TRRAP: variants seen among roughly 807,000 people sequenced by gnomAD.
TRRAP encodes transformation/transcription domain associated protein.
In TRRAP, 41 loss-of-function variants were observed where a neutral mutation model predicts 438.8. That is an observed-to-expected ratio of 0.09 (90% CI 0.07 to 0.12). TRRAP has a LOEUF of 0.12. Ranked by LOEUF, TRRAP falls within the 10% of genes least tolerant of loss-of-function variation. TRRAP has a pLI of 1.00. For missense variants in TRRAP, 3,122 were observed against 5,055.1 expected, an observed-to-expected ratio of 0.62 and a Z score of 11.60; for synonymous variants, 1,994 against 1,962.9, an observed-to-expected ratio of 1.02 and a Z score of -0.42.
At chr7:99,002,276 C>T (rs545106043) in intron 67 of TRRAP, among the ~76,000 whole-genome samples, 2 of 152,298 alleles carry the variant, frequency 1.3e-5, no homozygotes, top group South Asian at 2.1e-4. Context: ...CACACATGTG[C>T]GCACACACAC....
chr7:98,990,868 T>C (rs931931668), intron 64 of TRRAP, among the ~76,000 whole-genome samples: 1 of 152,234 alleles, frequency 6.6e-6, no homozygotes, highest in Non-Finnish European at 1.5e-5. Context: ...TCTTAAACAT[T>C]TTCCCATATA....
rs1289043925 is a variant in TRRAP, at chr7:99,008,503, C to G, written c.10880C>G (p.Ser3627Cys). The change falls in exon 70 of 73, where the codon TCC (serine) becomes TGC (cysteine). Residue 3627 changes from serine (S) to cysteine (C), a missense_variant. Coordinates refer to ENST00000456197, the MANE Select transcript of TRRAP (RefSeq NM_001375524.1). Reference sequence around the variant, plus strand: ...GGCATCGAGCATGACAACCCCATCTCCCGTTACTATGACCGGCTGGCTACG... The same window carrying G: ...GGCATCGAGCATGACAACCCCATCTGCCGTTACTATGACCGGCTGGCTACG... ...KKGIEHDNPI[S>C]RYYDRLATVQ... 8.7e-6 allele frequency: 14 copies of G among 1,614,132 alleles called. No individual in the cohort carries two copies. Among genetic ancestry groups the G allele is most frequent in the Non-Finnish European group, 1.2e-5 (14 of 1,180,068 alleles).
At position 98,921,028 on chromosome 7, in the gene TRRAP, G is replaced by A. The variant is rs572022009; in HGVS notation, c.2623-725G>A. Reference sequence around the variant, plus strand: ...CTAATTTTGTGTTTTTAGTAGATGGGGTTACTCCATGTTGGTCAGGCTGGT... The same window carrying A: ...CTAATTTTGTGTTTTTAGTAGATGGAGTTACTCCATGTTGGTCAGGCTGGT... On this transcript the variant is annotated intron_variant, in intron 20 of 72. Coordinates refer to ENST00000456197, the MANE Select transcript of TRRAP (RefSeq NM_001375524.1). Among the ~76,000 whole-genome samples the A allele has an allele frequency of 4.6e-5, 7 of 152,138 alleles. 1 individual carries two copies. The highest frequency in any genetic ancestry group is 1.7e-4 in the African/African-American group (7 of 41,516).
intron 44 of TRRAP, 146 bp downstream of exon 44, chr7:98,958,237 C>A: frequency 3.1e-6 from 2 of 651,598 alleles, no homozygotes; most frequent in Non-Finnish European, 5.2e-6. Context: ...TTCGTATCAA[C>A]TGCACTTGAT....
intron 20 of TRRAP, among the ~76,000 whole-genome samples, chr7:98,921,533 G>A (rs1341783237): frequency 2.0e-5 from 3 of 152,066 alleles, no homozygotes; most frequent in Admixed American, 6.6e-5. Context: ...CTGCCACCAC[G>A]CCTGGCTAAT....
At position 98,990,460 on chromosome 7, in the gene TRRAP, G is replaced by C. The variant is rs746727506; in HGVS notation, c.9597G>C (p.Leu3199=). 1 of 1,612,682 alleles carries C rather than the reference G, an allele frequency of 6.2e-7. No homozygotes were observed. The highest frequency in any genetic ancestry group is 1.7e-5 in the Admixed American group (1 of 60,004). ...SKSRKYLAKV[L]WLLSFDDDKN... ...AATTTCTCCTTCTGTCTCAGGTGCT[G>C]TGGCTTTTGAGTTTTGATGATGACA... Residue 3199 remains leucine, a synonymous_variant, in exon 64 of 73, where the codon CTG becomes CTC. Transcript: ENST00000456197.
intron 62 of TRRAP, among the ~76,000 whole-genome samples, chr7:98,988,533 A>G (rs1401554184): frequency 1.3e-5 from 2 of 152,192 alleles, no homozygotes; most frequent in African/African-American, 4.8e-5. Flanking sequence ...GTATGATTCA[A>G]TTTATATGAA....
chr7:98,908,813 C>T lies in TRRAP; in HGVS notation c.1201C>T (p.Leu401Phe). The change falls in exon 14 of 73, where the codon CTC becomes TTC. Residue 401 changes from leucine to phenylalanine, a missense_variant. Transcript: ENST00000456197. This position sits in a 1 kb window ranked among gnomAD's most constrained non-coding sequence, Gnocchi z 4.1. ...CAGCGACCTCTCCCTCGCCGTCCAG[C>T]TCTTCGCCAAGAACATCGACGATGA... ...PLSDLSLAVQ[L>F]FAKNIDDESL... 2.5e-6 allele frequency: 4 copies of T among 1,609,960 alleles called. No individual in the cohort carries two copies. Among genetic ancestry groups the T allele is most frequent in the Non-Finnish European group, 3.4e-6 (4 of 1,178,232 alleles).
intron 62 of TRRAP, among the ~76,000 whole-genome samples, chr7:98,988,406 C>G (rs903688924): frequency 2.0e-5 from 3 of 152,144 alleles, no homozygotes; most frequent in Non-Finnish European, 4.4e-5. Flanking sequence ...TCTATGTGTG[C>G]AATGGAATGT....
intron 25 of TRRAP, 39 bp from the exon 26 acceptor site, chr7:98,931,366 A>G: frequency 1.2e-6 from 2 of 1,600,922 alleles, no homozygotes; most frequent in Non-Finnish European, 1.7e-6. Flanking sequence ...AGTGGGTGGC[A>G]TCGCCCTGCT....
chr7:99,004,115 C>A, intron 67 of TRRAP, 75 bp from the exon 68 acceptor site: 1 of 1,353,186 alleles, frequency 7.4e-7, no homozygotes. Context: ...CTGGTAGGGG[C>A]TTGAGCGTTT....
At chr7:98,973,512 G>A (rs761335059) in intron 53 of TRRAP, among the ~76,000 whole-genome samples, 1 of 152,186 alleles carries the variant, frequency 6.6e-6, no homozygotes, top group Non-Finnish European at 1.5e-5. Flanking sequence ...GGCTCAGTTG[G>A]TCACAGCTGT....
chr7:98,975,783 G>A (rs1464187403), intron 53 of TRRAP, among the ~76,000 whole-genome samples: 2 of 152,144 alleles, frequency 1.3e-5, no homozygotes, highest in African/African-American at 4.8e-5. Context: ...ATTTTCAGTG[G>A]CCTGGGCCTC....
chr7:98,989,765 G>A (rs1019404824), intron 63 of TRRAP, among the ~76,000 whole-genome samples: 6 of 152,198 alleles, frequency 3.9e-5, no homozygotes, highest in Non-Finnish European at 5.9e-5. Flanking sequence ...ACCTGTTGCC[G>A]GGGTGATGAG....
Position 98,930,328 on chromosome 7 carries a change from G to A in TRRAP, c.3393+122G>A, listed in dbSNP as rs1790266872. The A allele has an allele frequency of 3.1e-6, 4 of 1,279,442 alleles. No individual in the cohort carries two copies. The African/African-American group carries it at 4.5e-5, about 14-fold the overall frequency. 79.3% of individuals were successfully genotyped at this position (1,279,442 alleles called of 1,614,324 possible). A position where few individuals can be genotyped will look rare whatever the true frequency, so the allele number is the denominator to read the frequency against. On this transcript the variant is annotated intron_variant, in intron 24 of 72. Transcript: ENST00000456197. ...GCAGTGGCTCACGCCTGTAATCCCA[G>A]CACTTTGAGAGGCCAAGGCGGGCGG...
At chr7:99,002,646 G>A (rs1364643348) in intron 67 of TRRAP, among the ~76,000 whole-genome samples, 1 of 152,082 alleles carries the variant, frequency 6.6e-6, no homozygotes, top group Non-Finnish European at 1.5e-5. Flanking sequence ...CCTGTGTGGA[G>A]TCCTGGCACT....
Position 98,928,977 on chromosome 7 carries a change from G to A in TRRAP, c.3176-1012G>A, listed in dbSNP as rs558875060. ...TTTTCAGACGGGGTCTTGCTCTGTCGCCCAGGCTGGAGTGCAGTGGTGCGA... is the reference window on the plus strand; with the variant it reads ...TTTTCAGACGGGGTCTTGCTCTGTCACCCAGGCTGGAGTGCAGTGGTGCGA... On this transcript the variant is annotated intron_variant, in intron 23 of 72. Coordinates refer to ENST00000456197, the MANE Select transcript of TRRAP (RefSeq NM_001375524.1). Among the ~76,000 whole-genome samples, 8 of 148,034 alleles carry A rather than the reference G, an allele frequency of 5.4e-5. No individual in the cohort carries two copies. The East Asian group carries it at 1.0e-3, about 18-fold the overall frequency.
At position 99,011,413 on chromosome 7, in the gene TRRAP, C is replaced by T. The variant is rs766653788; in HGVS notation, c.11215C>T (p.Arg3739Cys). ...NDATGDLDAN[R>C]PVPFRLTPNI... ...CGCGACTGGAGACCTGGATGCCAAC[C>T]GTCCTGTCCCATTTCGACTCACGCC... Residue 3739 changes from arginine (R) to cysteine (C), a missense_variant, in exon 72 of 73, where the codon CGT becomes TGT. Coordinates refer to ENST00000456197, the MANE Select transcript of TRRAP (RefSeq NM_001375524.1). The surrounding 1 kb of genome is among the most constrained non-coding windows in gnomAD (Gnocchi z 7.1). The T allele has an allele frequency of 1.9e-6, 3 of 1,614,162 alleles. No homozygotes were observed. The highest frequency in any genetic ancestry group is 2.7e-5 in the African/African-American group (2 of 74,958).
At position 98,922,561 on chromosome 7, in the gene TRRAP, C is replaced by T. The variant is rs1273092081; in HGVS notation, c.2823+608C>T. Among the ~76,000 whole-genome samples, 3 of 152,042 alleles carry T rather than the reference C, an allele frequency of 2.0e-5. No homozygotes were observed. In the East Asian group the frequency reaches 5.8e-4, roughly 30 times the overall value. On this transcript the variant is annotated intron_variant, in intron 21 of 72. Transcript: ENST00000456197. ...TAGTTCTGTGTCAGCATCATTCCAT[C>T]GTCACGTTGGCTTTTCCCTCTGACT...
Sources: gnomAD v4.1 joint callset for allele counts (sites outside exome capture counted in the v4.1 genomes callset) on GRCh38, gnomAD v4.1.1 for gene constraint, Gnocchi (gnomAD v3.1) non-coding constraint, MANE v1.5 for transcripts, NCBI Gene and HGNC (gene_info 2026-07-23, HGNC 2026-07-21) for gene names.